NTN4: variants seen among roughly 807,000 people sequenced by gnomAD.
The protein encoded by NTN4 is netrin-4.
Under a neutral mutation model 73.6 loss-of-function variants are expected in NTN4, and 32 were observed. The ratio of observed to expected loss-of-function variants is 0.44; its 90% CI spans 0.33 to 0.58. The LOEUF is 0.58. NTN4 is among the 20% of genes least tolerant of loss of function. The pLI is 0.04. For synonymous variants in NTN4, 258 were observed against 287.5 expected (o/e 0.90, Z 1.04); for missense variants, 654 against 798.3 (o/e 0.82, Z 2.18).
intron 2 of NTN4, among the ~76,000 whole-genome samples, chr12:95,778,400 T>C (rs2079109352): frequency 6.6e-6 from 1 of 151,534 alleles, no homozygotes; most frequent in African/African-American, 2.4e-5. Context: ...ATCAACAAAA[T>C]TGATAGACCG....
chr12:95,712,486 C>T (rs969879776), intron 4 of NTN4, among the ~76,000 whole-genome samples: 10 of 152,208 alleles, frequency 6.6e-5, no homozygotes, highest in African/African-American at 9.7e-5. Flanking sequence ...ATTAACACCA[C>T]GTGCTTTATT....
intron 5 of NTN4, among the ~76,000 whole-genome samples, chr12:95,686,768 A>C (rs1418971631): frequency 6.6e-6 from 1 of 150,734 alleles, no homozygotes; most frequent in African/African-American, 2.4e-5. Flanking sequence ...AAAAAAAAAA[A>C]AGAAAGAAAA....
chr12:95,773,608 T>G (rs1284853019), intron 2 of NTN4, among the ~76,000 whole-genome samples: 1 of 152,016 alleles, frequency 6.6e-6, no homozygotes, highest in Non-Finnish European at 1.5e-5. Context: ...CTCTTCTCTA[T>G]GTATGTCCAC....
Position 95,781,956 on chromosome 12 carries a change from G to A in NTN4, c.585+4983C>T, listed in dbSNP as rs1261740676. On this transcript the variant is annotated intron_variant, in intron 2 of 9. Coordinates refer to ENST00000343702, the MANE Select transcript of NTN4 (RefSeq NM_021229.4). The surrounding 1 kb of genome is among the most constrained non-coding windows in gnomAD (Gnocchi z 4.1). Reference sequence around the variant, plus strand: ...CTGCCATGTCTATGCCACCTGGAATGGGATCTGACACATAGTAGCTTGAAA... The same window carrying A: ...CTGCCATGTCTATGCCACCTGGAATAGGATCTGACACATAGTAGCTTGAAA... 1.3e-5 allele frequency among the ~76,000 whole-genome samples: 2 copies of A among 152,254 alleles called. No individual in the cohort carries two copies. The highest frequency in any genetic ancestry group is 1.3e-4 in the Admixed American group (2 of 15,298).
At chr12:95,678,436 TC>T (rs1402531393) in intron 7 of NTN4, among the ~76,000 whole-genome samples, 1 of 150,638 alleles carries the variant, frequency 6.6e-6, no homozygotes, top group Non-Finnish European at 1.5e-5. Context: ...AGGAAAACCA[TC>T]TGATTTTCTC....
intron 3 of NTN4, among the ~76,000 whole-genome samples, chr12:95,723,190 T>C (rs1592686031): frequency 6.6e-6 from 1 of 152,056 alleles, no homozygotes; most frequent in South Asian, 2.1e-4. Flanking sequence ...CTGTGGACTT[T>C]AGGTTCAAAT....
intron 7 of NTN4, among the ~76,000 whole-genome samples, chr12:95,671,567 A>G (rs1389476671): frequency 6.6e-6 from 1 of 152,142 alleles, no homozygotes; most frequent in African/African-American, 2.4e-5. Context: ...TGCTCTCCTT[A>G]TGAGAATCTA....
rs368470681 is a variant in NTN4, at chr12:95,733,633, G to A, written c.864+4233C>T. Among the ~76,000 whole-genome samples the A allele has an allele frequency of 3.3e-5, 5 of 152,226 alleles. No individual in the cohort carries two copies. In the South Asian group the frequency reaches 6.2e-4, roughly 19 times the overall value. On this transcript the variant is annotated intron_variant, in intron 3 of 9. Coordinates refer to ENST00000343702, the MANE Select transcript of NTN4 (RefSeq NM_021229.4). ...GGTAAGTCAGATTTAGCTGTGTTTG[G>A]CTCCAATACCAGGGTCTTAATCATC... is the stretch of plus-strand genomic sequence containing the variant.
intron 3 of NTN4, among the ~76,000 whole-genome samples, chr12:95,721,955 T>C (rs752382489): frequency 9.9e-5 from 15 of 152,102 alleles, no homozygotes; most frequent in African/African-American, 2.2e-4. Context: ...CACACACAAA[T>C]TTCCAAATGC....
chr12:95,780,429 A>T (rs923779303), intron 2 of NTN4, among the ~76,000 whole-genome samples: 1 of 152,230 alleles, frequency 6.6e-6, no homozygotes, highest in Non-Finnish European at 1.5e-5. Context: ...TCCAGAATCT[A>T]CAAAGAACTC....
In NTN4 at chr12:95,787,186, T is replaced by C. The variant is rs144954541; in HGVS notation, c.338A>G (p.His113Arg). ...CAGGTCTAACTGGATCTTTTCTCTGTGCACATCCTCCGCAGACTGCCACCA... is the reference window on the plus strand; with the variant it reads ...CAGGTCTAACTGGATCTTTTCTCTGCGCACATCCTCCGCAGACTGCCACCA... Reference protein sequence around the residue: ...RTWWQSAEDVHREKIQLDLEA... With the variant: ...RTWWQSAEDVRREKIQLDLEA... The change falls in exon 2 of 10, where the codon CAC becomes CGC. Residue 113 changes from histidine (H) to arginine (R), a missense_variant. Physicochemically the swap from His to Arg is conservative, Grantham distance 29. Transcript: ENST00000343702. The C allele has an allele frequency of 6.2e-7, 1 of 1,614,194 alleles. No homozygotes were observed. Among genetic ancestry groups the C allele is most frequent in the Non-Finnish European group, 8.5e-7 (1 of 1,180,038 alleles).
intron 5 of NTN4, among the ~76,000 whole-genome samples, chr12:95,710,221 G>A (rs1430237837): frequency 1.3e-5 from 2 of 152,112 alleles, no homozygotes; most frequent in Non-Finnish European, 2.9e-5. Flanking sequence ...TTTACTTTAT[G>A]GAGAATGAGA....
At chr12:95,719,757 G>A (rs918105689) in intron 3 of NTN4, among the ~76,000 whole-genome samples, 1 of 152,138 alleles carries the variant, frequency 6.6e-6, no homozygotes, top group African/African-American at 2.4e-5. Context: ...AACAGAAGAA[G>A]TAGAAGTTCT....
At chr12:95,676,221 A>C (rs1013965607) in intron 7 of NTN4, among the ~76,000 whole-genome samples, 6 of 152,026 alleles carry the variant, frequency 3.9e-5, no homozygotes, top group African/African-American at 9.7e-5. Context: ...CTCCTGCCTT[A>C]GCCTCCCAAG....
At chr12:95,703,736 A>AT (rs2078503413) in intron 5 of NTN4, among the ~76,000 whole-genome samples, 1 of 152,146 alleles carries the variant, frequency 6.6e-6, no homozygotes, top group African/African-American at 2.4e-5. Flanking sequence ...TCAGATTTCC[A>AT]TTTTTTCTCA....
At chr12:95,708,369 G>A (rs2078536985) in intron 5 of NTN4, among the ~76,000 whole-genome samples, 1 of 151,228 alleles carries the variant, frequency 6.6e-6, no homozygotes, top group Admixed American at 6.6e-5. Context: ...CTCACTGCAA[G>A]CTCCGCATCC....
Position 95,683,648 on chromosome 12 carries a change from G to C in NTN4, c.1244C>G (p.Pro415Arg). ...CTTGCAAGGGCAGTCACCATTGCTG[G>C]GGTCGCAGAAGGTCACTGAGTTGGC... ...LPANSVTFCD[P>R]SNGDCPCKPG... The change falls in exon 6 of 10, where the codon CCC (proline) becomes CGC (arginine). Residue 415 changes from proline to arginine, a missense_variant. Coordinates refer to ENST00000343702, the MANE Select transcript of NTN4 (RefSeq NM_021229.4). 1 of 1,614,010 alleles carries C rather than the reference G, an allele frequency of 6.2e-7. No homozygotes were observed. The highest frequency in any genetic ancestry group is 8.5e-7 in the Non-Finnish European group (1 of 1,179,948).
intron 4 of NTN4, among the ~76,000 whole-genome samples, chr12:95,711,308 G>A (rs2078563870): frequency 6.6e-6 from 1 of 152,098 alleles, no homozygotes; most frequent in African/African-American, 2.4e-5. Context: ...TTACCAACGG[G>A]GATTGACATT....
At chr12:95,779,755 C>T (rs975591564) in intron 2 of NTN4, among the ~76,000 whole-genome samples, 1 of 152,024 alleles carries the variant, frequency 6.6e-6, no homozygotes, top group Non-Finnish European at 1.5e-5. Flanking sequence ...AGATTCAATG[C>T]CATCCCCATC....
Sources: gnomAD v4.1 joint callset for allele counts (sites outside exome capture counted in the v4.1 genomes callset) on GRCh38, gnomAD v4.1.1 for gene constraint, Gnocchi (gnomAD v3.1) non-coding constraint, MANE v1.5 for transcripts, NCBI Gene and HGNC (gene_info 2026-07-23, HGNC 2026-07-21) for gene names.